LRP1B: variants seen among roughly 807,000 people sequenced by gnomAD.
LRP1B encodes low-density lipoprotein receptor-related protein 1B.
Under a neutral mutation model 556.6 loss-of-function variants are expected in LRP1B, and 217 were observed. That is an observed-to-expected ratio of 0.39 (90% CI 0.35 to 0.44). The LOEUF (loss-of-function observed/expected upper bound fraction) is 0.44. Ranked by LOEUF, LRP1B falls within the 20% of genes least tolerant of loss-of-function variation. The pLI, the probability that LRP1B is intolerant of heterozygous loss-of-function variation, is 1.00. For missense variants in LRP1B, 5,053 were observed against 5,620.8 expected (o/e 0.90, Z 3.23); for synonymous variants, 2,047 against 1,865.8 (o/e 1.10, Z -2.50).
chr2:140,518,006 G>A (rs1299036598), intron 49 of LRP1B, among the ~76,000 whole-genome samples: 1 of 151,990 alleles, frequency 6.6e-6, no homozygotes, highest in Non-Finnish European at 1.5e-5. Context: ...ACTGTGCCCA[G>A]CCTAAATTTA....
At chr2:140,741,263 A>G (rs1435386113) in intron 35 of LRP1B, among the ~76,000 whole-genome samples, 2 of 152,104 alleles carry the variant, frequency 1.3e-5, no homozygotes, top group African/African-American at 4.8e-5. Context: ...TTCACCCCCA[A>G]CCCAAATAAC....
At chr2:140,633,943 A>G (rs748255002) in intron 41 of LRP1B, among the ~76,000 whole-genome samples, 5 of 152,278 alleles carry the variant, frequency 3.3e-5, no homozygotes, top group Non-Finnish European at 7.4e-5. Context: ...TTCCTAGTCC[A>G]CTGGATGAGG....
At chr2:141,024,329 C>G (rs1017493063) in intron 11 of LRP1B, among the ~76,000 whole-genome samples, 9 of 151,984 alleles carry the variant, frequency 5.9e-5, no homozygotes, top group African/African-American at 1.4e-4. Flanking sequence ...GGTGAATACA[C>G]AAGCCATTCT....
intron 1 of LRP1B, among the ~76,000 whole-genome samples, chr2:141,925,012 T>C (rs943180713): frequency 6.6e-6 from 1 of 152,156 alleles, no homozygotes; most frequent in Non-Finnish European, 1.5e-5. Flanking sequence ...ATTCTGTAAT[T>C]ACCAGTTATA....
At chr2:141,890,479 A>G (rs1007313116) in intron 1 of LRP1B, among the ~76,000 whole-genome samples, 1 of 151,000 alleles carries the variant, frequency 6.6e-6, no homozygotes, top group African/African-American at 2.4e-5. Flanking sequence ...GAATAATCAC[A>G]CGTCTGCAAG....
At chr2:140,798,764 G>T (rs977376629) in intron 32 of LRP1B, among the ~76,000 whole-genome samples, 6 of 152,132 alleles carry the variant, frequency 3.9e-5, no homozygotes, top group Middle Eastern at 3.2e-3. Flanking sequence ...TTCAGACATT[G>T]CCAAATGTCT....
chr2:141,660,173 C>G (rs1690159555), intron 2 of LRP1B, among the ~76,000 whole-genome samples: 1 of 152,008 alleles, frequency 6.6e-6, no homozygotes, highest in Admixed American at 6.5e-5. Context: ...GCGTGACCCA[C>G]AGAGAGTGAG....
intron 1 of LRP1B, among the ~76,000 whole-genome samples, chr2:142,083,587 G>C (rs1478632008): frequency 6.6e-6 from 1 of 152,142 alleles, no homozygotes. Flanking sequence ...CTCTCTTGAG[G>C]AATTCAGATG....
At chr2:140,616,221 G>A (rs1683251836) in intron 41 of LRP1B, among the ~76,000 whole-genome samples, 1 of 151,786 alleles carries the variant, frequency 6.6e-6, no homozygotes, top group Non-Finnish European at 1.5e-5. Flanking sequence ...AGGTACATTG[G>A]CCTACTTAAA....
intron 2 of LRP1B, among the ~76,000 whole-genome samples, chr2:141,746,972 A>T (rs2105557135): frequency 8.4e-6 from 1 of 119,240 alleles, no homozygotes; most frequent in South Asian, 3.3e-4. Flanking sequence ...AATAATTTTG[A>T]TGAGCGTCCT....
chr2:140,699,557 T>C (rs1212759216), intron 41 of LRP1B, among the ~76,000 whole-genome samples: 2 of 151,528 alleles, frequency 1.3e-5, no homozygotes, highest in African/African-American at 4.8e-5. Context: ...ACTGGAAGAA[T>C]GGGAAATATA....
At chr2:141,832,327 T>TCA (rs869062999) in intron 1 of LRP1B, among the ~76,000 whole-genome samples, 8,234 of 143,740 alleles carry the variant, frequency 0.057, 229 homozygotes, top group South Asian at 0.11. Flanking sequence ...TCTTTCTCTC[T>TCA]CACACACACA....
intron 1 of LRP1B, among the ~76,000 whole-genome samples, chr2:141,971,872 G>A (rs1189953655): frequency 6.6e-6 from 1 of 151,262 alleles, no homozygotes; most frequent in Admixed American, 6.6e-5. Flanking sequence ...CATTTTCCAG[G>A]CTAGAAATTG....
chr2:141,480,628 C>A (rs1682883158), intron 2 of LRP1B, 95 bp from the exon 3 acceptor site: 14 of 1,243,828 alleles, frequency 1.1e-5, no homozygotes, highest in Non-Finnish European at 1.7e-5. Flanking sequence ...TTTTACAAAA[C>A]AAAACTATAG....
rs367832101 is a variant in LRP1B at position 140,772,272 on chromosome 2, T to C, written c.5501-1266A>G. On this transcript the variant is annotated intron_variant, in intron 33 of 90. Transcript: ENST00000389484. ...TCTCATTTATCAAATAATGAAACAA[T>C]TATATTTATAGATTTATAATATATA... 1.1e-4 allele frequency among the ~76,000 whole-genome samples: 16 copies of C among 150,980 alleles called. No homozygotes were observed. The South Asian group carries it at 2.9e-3, about 27-fold the overall frequency.
At chr2:140,403,216 A>T (rs1315969360) in intron 66 of LRP1B, among the ~76,000 whole-genome samples, 2 of 152,180 alleles carry the variant, frequency 1.3e-5, no homozygotes, top group Non-Finnish European at 2.9e-5. Flanking sequence ...TTCTGATAAC[A>T]TGATAAAACA....
chr2:141,100,363 A>G (rs915144617), intron 7 of LRP1B, among the ~76,000 whole-genome samples: 26 of 152,202 alleles, frequency 1.7e-4, no homozygotes, highest in African/African-American at 5.5e-4. Context: ...AAAGAGCAAG[A>G]AACGGTTGGG....
At chr2:141,615,593 T>G (rs1387481620) in intron 2 of LRP1B, among the ~76,000 whole-genome samples, 1 of 152,118 alleles carries the variant, frequency 6.6e-6, no homozygotes, top group Non-Finnish European at 1.5e-5. Flanking sequence ...AAAAATAATT[T>G]TTAGTCTCTA....
At chr2:140,332,536 A>T (rs1558808720) in intron 79 of LRP1B, among the ~76,000 whole-genome samples, 1 of 152,174 alleles carries the variant, frequency 6.6e-6, no homozygotes, top group African/African-American at 2.4e-5. Flanking sequence ...GGACTCGCAC[A>T]TACCCTCCTT....
Sources: gnomAD v4.1 joint callset for allele counts (sites outside exome capture counted in the v4.1 genomes callset) on GRCh38, gnomAD v4.1.1 for gene constraint, MANE v1.5 for transcripts, NCBI Gene and HGNC (gene_info 2026-07-23, HGNC 2026-07-21) for gene names.